CISD3: variants seen among roughly 807,000 people sequenced by gnomAD.
CISD3 encodes CDGSH iron-sulfur domain-containing protein 3, mitochondrial.
CISD3 carries 11 observed loss-of-function variants against 14.1 expected under a neutral mutation model. The observed-to-expected ratio is 0.78, with a 90% CI of 0.49 to 1.29. CISD3 has a LOEUF of 1.29. CISD3 is among the 50% of genes most tolerant of loss of function. The pLI is 0.00. For missense variants in CISD3, 156 were observed against 171.6 expected (o/e 0.91, Z 0.51); for synonymous variants, 53 against 69.2 (o/e 0.77, Z 1.16).
chr17:38,735,442 G>C lies in CISD3; in HGVS notation c.*1987G>C, dbSNP rs376196111. 3.2e-6 allele frequency: 5 copies of C among 1,585,340 alleles called. No individual in the cohort carries two copies. In the African/African-American group the frequency reaches 6.7e-5, roughly 21 times the overall value. Reference sequence around the variant, plus strand: ...TGGCTGGGCTGGGCAGGGAGGAGGAGGTGGCTGGCAGGGTGGCAGGGCTGG... The same window carrying C: ...TGGCTGGGCTGGGCAGGGAGGAGGACGTGGCTGGCAGGGTGGCAGGGCTGG... On this transcript the variant is annotated 3_prime_UTR_variant, in exon 4 of 4. Transcript: ENST00000613478.
In CISD3 at chr17:38,733,527, A is replaced by G. The variant is rs1906450070; in HGVS notation, c.*72A>G. 8.6e-6 allele frequency: 12 copies of G among 1,402,996 alleles called. No homozygotes were observed. Among genetic ancestry groups the G allele is most frequent in the Non-Finnish European group, 1.0e-5 (11 of 1,059,020 alleles). 86.9% of individuals were successfully genotyped at this position (1,402,996 alleles called of 1,614,324 possible). ...TGACAGGCACCCCCTTCTGTGGGAAAGGAAACAGGTGCTGAGCCCAAGAGA... is the reference window on the plus strand; with the variant it reads ...TGACAGGCACCCCCTTCTGTGGGAAGGGAAACAGGTGCTGAGCCCAAGAGA... On this transcript the variant is annotated 3_prime_UTR_variant, in exon 4 of 4. Coordinates refer to ENST00000613478, the MANE Select transcript of CISD3 (RefSeq NM_001136498.2).
In CISD3 at chr17:38,733,460, G is replaced by A; in HGVS notation, c.*5G>A. Reference sequence around the variant, plus strand: ...GAAGTGGGCTCCCCACTCTGAGGGGGCTGCTGCTGTCCAGCCACAGGTGGC... The same window carrying A: ...GAAGTGGGCTCCCCACTCTGAGGGGACTGCTGCTGTCCAGCCACAGGTGGC... On this transcript the variant is annotated 3_prime_UTR_variant, in exon 4 of 4. Coordinates refer to ENST00000613478, the MANE Select transcript of CISD3 (RefSeq NM_001136498.2). The A allele has an allele frequency of 6.6e-7, 1 of 1,517,610 alleles. No homozygotes were observed. Among genetic ancestry groups the A allele is most frequent in the Non-Finnish European group, 8.9e-7 (1 of 1,127,486 alleles). 94.0% of individuals were successfully genotyped at this position (1,517,610 alleles called of 1,614,324 possible).
At chr17:38,731,540 A>T in intron 3 of CISD3, 101 bp downstream of exon 3, 2 of 1,456,368 alleles carry the variant, frequency 1.4e-6, no homozygotes, top group Admixed American at 4.2e-5. Context: ...TCCCACACAT[A>T]CCTGAGGGAC....
At position 38,731,372 on chromosome 17, in the gene CISD3, C is replaced by T. The variant is rs1420926821; in HGVS notation, c.137C>T (p.Pro46Leu). ...PARSVVALKT[P>L]IKVELVAGKT... ...AGGTCCGTGGTGGCCCTGAAGACCC[C>T]CATCAAGGTGGAGCTGGTGGCAGGG... The change falls in exon 3 of 4, where the codon CCC becomes CTC. Residue 46 changes from proline (P) to leucine (L), a missense_variant. Coordinates refer to ENST00000613478, the MANE Select transcript of CISD3 (RefSeq NM_001136498.2). The T allele has an allele frequency of 1.3e-6, 2 of 1,551,662 alleles. No individual in the cohort carries two copies. Among genetic ancestry groups the T allele is most frequent in the Admixed American group, 3.9e-5 (2 of 51,014 alleles).
At chr17:38,733,244 C>T (rs1039598954) in intron 3 of CISD3, 32 bp from the exon 4 acceptor site, 42 of 1,549,606 alleles carry the variant, frequency 2.7e-5, no homozygotes, top group Non-Finnish European at 3.3e-5. Context: ...CAGGTGGGGT[C>T]AGGTCTTTGA....
At position 38,733,197 on chromosome 17, in the gene CISD3, C is replaced by T. The variant is rs574481290; in HGVS notation, c.205-79C>T. On this transcript the variant is annotated intron_variant, in intron 3 of 3. Coordinates refer to ENST00000613478, the MANE Select transcript of CISD3 (RefSeq NM_001136498.2). The stretch of plus-strand genomic sequence containing the variant: ...GTACCCTAACCACTGTGCTCCACTC[C>T]CCCTGAGCTCCTGCAGCCTGCCCTG... The T allele has an allele frequency of 7.9e-6, 11 of 1,383,656 alleles. No homozygotes were observed. In the Admixed American group the frequency reaches 8.3e-5, roughly 10 times the overall value. 85.7% of individuals were successfully genotyped at this position (1,383,656 alleles called of 1,614,324 possible).
rs1347945026 is a variant in CISD3 at position 38,734,822 on chromosome 17, T to C, written c.*1367T>C. ...GGAATCATGCCTAAAGCTTTGGGTCTGAAGGGGCCCCCAACACACCACCTG... is the reference window on the plus strand; with the variant it reads ...GGAATCATGCCTAAAGCTTTGGGTCCGAAGGGGCCCCCAACACACCACCTG... On this transcript the variant is annotated 3_prime_UTR_variant, in exon 4 of 4. Coordinates refer to ENST00000613478, the MANE Select transcript of CISD3 (RefSeq NM_001136498.2). 6 of 160,338 alleles carry C rather than the reference T, an allele frequency of 3.7e-5. No homozygotes were observed. The highest frequency in any genetic ancestry group is 8.1e-5 in the Non-Finnish European group (6 of 73,714). 9.9% of individuals were successfully genotyped at this position (160,338 alleles called of 1,614,324 possible). A position where few individuals can be genotyped will look rare whatever the true frequency, so the allele number is the denominator to read the frequency against.
At position 38,733,808 on chromosome 17, in the gene CISD3, A is replaced by G; in HGVS notation, c.*353A>G. The stretch of plus-strand genomic sequence containing the variant: ...CCACAGGAGAGGGCAGTTCAGATTC[A>G]TTCTGTATGGGGTCCCCAAGCCAGG... On this transcript the variant is annotated 3_prime_UTR_variant, in exon 4 of 4. Transcript: ENST00000613478. 4.1e-6 allele frequency: 1 copy of G among 245,620 alleles called. No individual in the cohort carries two copies. Among genetic ancestry groups the G allele is most frequent in the Non-Finnish European group, 7.8e-6 (1 of 127,808 alleles). The allele number at this position is 245,620 out of a possible 1,614,324, so 15.2% of individuals were successfully genotyped here.
chr17:38,731,152 G>A, intron 2 of CISD3, 168 bp from the exon 3 acceptor site: 1 of 906,476 alleles, frequency 1.1e-6, no homozygotes, highest in Non-Finnish European at 1.6e-6. Flanking sequence ...AAAGCTCACG[G>A]TCCTATGGTG....
intron 1 of CISD3, 82 bp from the exon 2 acceptor site, chr17:38,730,678 T>C (rs1906290700): frequency 2.5e-5 from 35 of 1,402,182 alleles, no homozygotes; most frequent in Non-Finnish European, 3.0e-5. Context: ...TGGCCTCCCG[T>C]GTCCTTCCCT....
chr17:38,733,524 G>A lies in CISD3; in HGVS notation c.*69G>A. 2 of 1,416,336 alleles carry A rather than the reference G, an allele frequency of 1.4e-6. No individual in the cohort carries two copies. Among genetic ancestry groups the A allele is most frequent in the Non-Finnish European group, 1.9e-6 (2 of 1,070,286 alleles). The allele number at this position is 1,416,336 out of a possible 1,614,324, so 87.7% of individuals were successfully genotyped here. On this transcript the variant is annotated 3_prime_UTR_variant, in exon 4 of 4. Transcript: ENST00000613478. Reference sequence around the variant, plus strand: ...CTCTGACAGGCACCCCCTTCTGTGGGAAAGGAAACAGGTGCTGAGCCCAAG... The same window carrying A: ...CTCTGACAGGCACCCCCTTCTGTGGAAAAGGAAACAGGTGCTGAGCCCAAG...
At position 38,733,753 on chromosome 17, in the gene CISD3, C is replaced by T. The variant is rs1423279990; in HGVS notation, c.*298C>T. 13 of 365,424 alleles carry T rather than the reference C, an allele frequency of 3.6e-5. No individual in the cohort carries two copies. The highest frequency in any genetic ancestry group is 1.5e-4 in the African/African-American group (7 of 47,534). The allele number at this position is 365,424 out of a possible 1,614,324, so 22.6% of individuals were successfully genotyped here. On this transcript the variant is annotated 3_prime_UTR_variant, in exon 4 of 4. Coordinates refer to ENST00000613478, the MANE Select transcript of CISD3 (RefSeq NM_001136498.2). The stretch of plus-strand genomic sequence containing the variant: ...TGCTGCCTCCTGCTCCAGATTTTAA[C>T]CTCTCTGTGGGCTGGGGGCACCTGA...
Position 38,735,437 on chromosome 17 carries a change from G to A in CISD3, c.*1982G>A, listed in dbSNP as rs1906625952. On this transcript the variant is annotated 3_prime_UTR_variant, in exon 4 of 4. Transcript: ENST00000613478. ...TGGGGTGGCTGGGCTGGGCAGGGAG[G>A]AGGAGGTGGCTGGCAGGGTGGCAGG... is the stretch of plus-strand genomic sequence containing the variant. 1 of 1,583,352 alleles carries A rather than the reference G, an allele frequency of 6.3e-7. No individual in the cohort carries two copies. The highest frequency in any genetic ancestry group is 1.3e-5 in the African/African-American group (1 of 74,354).
chr17:38,732,552 G>A (rs1228934108), intron 3 of CISD3, among the ~76,000 whole-genome samples: 6 of 152,090 alleles, frequency 3.9e-5, no homozygotes, highest in Non-Finnish European at 7.4e-5. Flanking sequence ...AAGGAGGACC[G>A]CTTGACCCCA....
Position 38,733,452 on chromosome 17 carries a change from C to T in CISD3, c.381C>T (p.Leu127=). The T allele has an allele frequency of 6.6e-7, 1 of 1,525,324 alleles. No individual in the cohort carries two copies. Among genetic ancestry groups the T allele is most frequent in the East Asian group, 2.5e-5 (1 of 40,538 alleles). The allele number at this position is 1,525,324 out of a possible 1,614,324, so 94.5% of individuals were successfully genotyped here. The change falls in exon 4 of 4, where the codon CTC becomes CTT. Residue 127 remains leucine, a synonymous_variant. Coordinates refer to ENST00000613478, the MANE Select transcript of CISD3 (RefSeq NM_001136498.2). ...AGAAGGCAGAAGTGGGCTCCCCACT[C>T]TGAGGGGGCTGCTGCTGTCCAGCCA... ...RVQKAEVGSP[L]
At position 38,730,381 on chromosome 17, in the gene CISD3, T is replaced by C; in HGVS notation, c.23T>C (p.Leu8Pro). Residue 8 changes from leucine to proline, a missense_variant, in exon 1 of 4, where the codon CTG becomes CCG. Transcript: ENST00000613478. The stretch of plus-strand genomic sequence containing the variant: ...ACCATGCGCGGCGCGGGGGCGATCC[T>C]GCGGCCGGCGGCGCGTGGTGCCCGG... Reference protein sequence around the residue: MRGAGAILRPAARGARDL... With the variant: MRGAGAIPRPAARGARDL... The C allele has an allele frequency of 8.3e-7, 1 of 1,199,498 alleles. No homozygotes were observed. Among genetic ancestry groups the C allele is most frequent in the Non-Finnish European group, 1.0e-6 (1 of 967,144 alleles). 74.3% of individuals were successfully genotyped at this position (1,199,498 alleles called of 1,614,324 possible).
intron 3 of CISD3, chr17:38,731,663 G>GCCACACCAGGC: frequency 3.5e-6 from 2 of 576,618 alleles, no homozygotes; most frequent in Non-Finnish European, 6.1e-6. Flanking sequence ...AGCCAGCCTG[G>GCCACACCAGGC]TGTGGCCAGG....
rs977180992 is a variant in CISD3, at chr17:38,733,508, G to C, written c.*53G>C. Reference sequence around the variant, plus strand: ...GGCCTTGGCTCCAGGCCTCTGACAGGCACCCCCTTCTGTGGGAAAGGAAAC... The same window carrying C: ...GGCCTTGGCTCCAGGCCTCTGACAGCCACCCCCTTCTGTGGGAAAGGAAAC... On this transcript the variant is annotated 3_prime_UTR_variant, in exon 4 of 4. Transcript: ENST00000613478. The C allele has an allele frequency of 1.4e-6, 2 of 1,452,788 alleles. No individual in the cohort carries two copies. Among genetic ancestry groups the C allele is most frequent in the African/African-American group, 2.8e-5 (2 of 70,236 alleles). The allele number at this position is 1,452,788 out of a possible 1,614,324, so 90.0% of individuals were successfully genotyped here.
rs1906537787 is a variant in CISD3 at position 38,734,699 on chromosome 17, G to A, written c.*1244G>A. On this transcript the variant is annotated 3_prime_UTR_variant, in exon 4 of 4. Transcript: ENST00000613478. ...AATTTCTGGACATTCAACAACGTGG[G>A]GGGCGGCCACTGGTCAGAGGCAGGA... is the stretch of plus-strand genomic sequence containing the variant. The A allele has an allele frequency of 6.5e-6, 1 of 152,774 alleles. No individual in the cohort carries two copies. Among genetic ancestry groups the A allele is most frequent in the Non-Finnish European group, 1.5e-5 (1 of 68,206 alleles). 9.5% of individuals were successfully genotyped at this position (152,774 alleles called of 1,614,324 possible). A position where few individuals can be genotyped will look rare whatever the true frequency, so the allele number is the denominator to read the frequency against.
Sources: gnomAD v4.1 joint callset for allele counts (sites outside exome capture counted in the v4.1 genomes callset) on GRCh38, gnomAD v4.1.1 for gene constraint, MANE v1.5 for transcripts, NCBI Gene and HGNC (gene_info 2026-07-23, HGNC 2026-07-21) for gene names.